The following ZSCAN9 variants were observed in gnomAD, a reference collection of about 807,000 sequenced individuals.
The protein encoded by ZSCAN9 is zinc finger and SCAN domain containing 9, also known as zinc finger and SCAN domain-containing protein 9.
ZSCAN9 carries 19 observed loss-of-function variants against 23.0 expected under a neutral mutation model. The observed-to-expected ratio is 0.83, with a 90% CI of 0.58 to 1.21. ZSCAN9 has a LOEUF of 1.21. Among genes scored for constraint, ZSCAN9 ranks in the 50% most tolerant of loss-of-function variants. ZSCAN9 has a pLI of 0.00. For missense variants in ZSCAN9, 467 were observed against 471.5 expected (o/e 0.99, Z 0.09); for synonymous variants, 155 against 164.8 (o/e 0.94, Z 0.46).
At chr6:28,232,244 T>C (rs1349364106) in intron 3 of ZSCAN9, among the ~76,000 whole-genome samples, 2 of 152,088 alleles carry the variant, frequency 1.3e-5, no homozygotes, top group African/African-American at 4.8e-5. Context: ...GGCAGGAGAA[T>C]CGCTTGAACC....
chr6:28,228,159 T>G, intron 3 of ZSCAN9: 1 of 649,676 alleles, frequency 1.5e-6, no homozygotes. Flanking sequence ...CATCGCCTCA[T>G]GGAAGCTGCT....
chr6:28,232,502 T>G, intron 3 of ZSCAN9, 60 bp from the exon 4 acceptor site: 2 of 1,544,730 alleles, frequency 1.3e-6, no homozygotes, highest in South Asian at 2.6e-5. Context: ...ATAGACATAG[T>G]CACCTTCCCA....
Position 28,233,158 on chromosome 6 carries a change from A to C in ZSCAN9, c.1165A>C (p.Thr389Pro). The C allele has an allele frequency of 3.1e-6, 5 of 1,614,084 alleles. No homozygotes were observed. Among genetic ancestry groups the C allele is most frequent in the Non-Finnish European group, 3.4e-6 (4 of 1,179,958 alleles). Residue 389 changes from threonine to proline, a missense_variant, in exon 4 of 4, where the codon ACA (threonine) becomes CCA (proline). Coordinates refer to ENST00000252207, the MANE Select transcript of ZSCAN9 (RefSeq NM_006299.5). ...CNLIRHQKIH[T>P]VAELV is the part of the protein sequence containing the mutation. ...CCTCATTCGCCATCAGAAGATCCAC[A>C]CAGTGGCTGAGCTGGTCTAGGGCTT...
rs1760353707 is a variant in ZSCAN9 at position 28,232,774 on chromosome 6, A to G, written c.781A>G (p.Lys261Glu). The stretch of plus-strand genomic sequence containing the variant: ...GCAACACAAATGTGATGAATGTGGG[A>G]AGAGCTTTACTCAGAGCTCAGGTCT... ...EGQHKCDECG[K>E]SFTQSSGLIR... The change falls in exon 4 of 4, where the codon AAG becomes GAG. Residue 261 changes from lysine (K) to glutamate (E), a missense_variant. Transcript: ENST00000252207. The G allele has an allele frequency of 2.5e-6, 4 of 1,614,248 alleles. No homozygotes were observed. The highest frequency in any genetic ancestry group is 1.1e-5 in the South Asian group (1 of 91,088).
intron 3 of ZSCAN9, among the ~76,000 whole-genome samples, chr6:28,231,055 A>G (rs1166937426): frequency 6.6e-6 from 1 of 152,220 alleles, no homozygotes; most frequent in Non-Finnish European, 1.5e-5. Flanking sequence ...GACCCCCAGT[A>G]GATGCCTGAA....
chr6:28,232,168 C>T (rs1581566728), intron 3 of ZSCAN9, among the ~76,000 whole-genome samples: 1 of 152,242 alleles, frequency 6.6e-6, no homozygotes, highest in African/African-American at 2.4e-5. Flanking sequence ...CGCGTCTGTA[C>T]TAAAAATACA....
chr6:28,226,902 A>G (rs1760128613), intron 1 of ZSCAN9, 110 bp from the exon 2 acceptor site: 1 of 529,012 alleles, frequency 1.9e-6, no homozygotes, highest in South Asian at 3.5e-5. Flanking sequence ...TGGTCACCAA[A>G]TCACTTTTCA....
intron 3 of ZSCAN9, among the ~76,000 whole-genome samples, 176 bp from the exon 4 acceptor site, chr6:28,232,386 C>T (rs1760334466): frequency 1.3e-5 from 2 of 152,172 alleles, no homozygotes; most frequent in Non-Finnish European, 2.9e-5. Context: ...GATGGACTGA[C>T]CTGCATTATG....
In ZSCAN9 at chr6:28,227,058, G is replaced by A; in HGVS notation, c.-27G>A. On this transcript the variant is annotated 5_prime_UTR_variant, in exon 2 of 4. Coordinates refer to ENST00000252207, the MANE Select transcript of ZSCAN9 (RefSeq NM_006299.5). ...CTTGAAGCATAGCTCCAGCTGGAGG[G>A]TACCTTTTAAGCTGTTCAAGGTCAA... 1.3e-6 allele frequency: 2 copies of A among 1,593,390 alleles called. No homozygotes were observed. Among genetic ancestry groups the A allele is most frequent in the Non-Finnish European group, 1.7e-6 (2 of 1,168,892 alleles).
intron 3 of ZSCAN9, chr6:28,230,533 G>C: frequency 1.3e-6 from 2 of 1,515,998 alleles, no homozygotes; most frequent in South Asian, 2.5e-5. Flanking sequence ...AGATATGGGA[G>C]AAAGAGGCAA....
chr6:28,233,442 T>G lies in ZSCAN9; in HGVS notation c.*264T>G. 2.6e-6 allele frequency: 1 copy of G among 379,546 alleles called. No homozygotes were observed. Among genetic ancestry groups the G allele is most frequent in the East Asian group, 5.0e-5 (1 of 20,096 alleles). The allele number at this position is 379,546 out of a possible 1,614,324, so 23.5% of individuals were successfully genotyped here. On this transcript the variant is annotated 3_prime_UTR_variant, in exon 4 of 4. Coordinates refer to ENST00000252207, the MANE Select transcript of ZSCAN9 (RefSeq NM_006299.5). The stretch of plus-strand genomic sequence containing the variant: ...TTTTTTGAGATGGCTGCTAAACCCT[T>G]CTAATAATATAATAAATGGCACTGC...
rs1760168852 is a variant in ZSCAN9, at chr6:28,227,847, A to G, written c.568+10A>G. The G allele has an allele frequency of 6.2e-7, 1 of 1,613,358 alleles. No homozygotes were observed. Among genetic ancestry groups the G allele is most frequent in the Non-Finnish European group, 8.5e-7 (1 of 1,179,820 alleles). The stretch of plus-strand genomic sequence containing the variant: ...TCTATTGGAGAGACAGGTGAGGGAC[A>G]GCATTTATTTGATGTTGAACGAATC... On this transcript the variant is annotated intron_variant, in intron 3 of 3. Coordinates refer to ENST00000252207, the MANE Select transcript of ZSCAN9 (RefSeq NM_006299.5).
At chr6:28,231,799 G>A (rs1760309445) in intron 3 of ZSCAN9, among the ~76,000 whole-genome samples, 1 of 152,094 alleles carries the variant, frequency 6.6e-6, no homozygotes, top group African/African-American at 2.4e-5. Flanking sequence ...GTGATTGACT[G>A]TGGGTAGCTG....
Position 28,227,001 on chromosome 6 carries a change from T to A in ZSCAN9, c.-73-11T>A. Reference sequence around the variant, plus strand: ...ATTTTTCTATATAAATAATTTATTTTTACTGCTTAGGCAAGCGCCTCCAAG... The same window carrying A: ...ATTTTTCTATATAAATAATTTATTTATACTGCTTAGGCAAGCGCCTCCAAG... On this transcript the variant is annotated splice_polypyrimidine_tract_variant and intron_variant, in intron 1 of 3. Coordinates refer to ENST00000252207, the MANE Select transcript of ZSCAN9 (RefSeq NM_006299.5). The A allele has an allele frequency of 8.1e-7, 1 of 1,227,496 alleles. No homozygotes were observed. The highest frequency in any genetic ancestry group is 1.1e-6 in the Non-Finnish European group (1 of 881,040). 76.0% of individuals were successfully genotyped at this position (1,227,496 alleles called of 1,614,324 possible). A position where few individuals can be genotyped will look rare whatever the true frequency, so the allele number is the denominator to read the frequency against.
At chr6:28,229,967 T>C (rs1026952557) in intron 3 of ZSCAN9, among the ~76,000 whole-genome samples, 3 of 151,862 alleles carry the variant, frequency 2.0e-5, no homozygotes, top group African/African-American at 7.3e-5. Context: ...ATGCCATTCT[T>C]CTGTCTGAGC....
intron 3 of ZSCAN9, among the ~76,000 whole-genome samples, chr6:28,232,235 G>T (rs562712719): frequency 6.6e-6 from 1 of 152,210 alleles, no homozygotes; most frequent in South Asian, 2.1e-4. Context: ...GGAGACTGAG[G>T]CAGGAGAATC....
At chr6:28,229,674 A>T (rs902869779) in intron 3 of ZSCAN9, among the ~76,000 whole-genome samples, 4 of 152,176 alleles carry the variant, frequency 2.6e-5, no homozygotes, top group African/African-American at 9.7e-5. Flanking sequence ...GGTAAGCTTG[A>T]GTTTCTTTTT....
chr6:28,228,258 C>G, intron 3 of ZSCAN9: 1 of 566,458 alleles, frequency 1.8e-6, no homozygotes, highest in Middle Eastern at 2.6e-4. Flanking sequence ...TCTACTTGCG[C>G]TGCCTTAAGA....
At chr6:28,230,601 CA>C (rs1252407014) in intron 3 of ZSCAN9, 1 of 974,948 alleles carries the variant, frequency 1.0e-6, no homozygotes, top group Non-Finnish European at 1.5e-6. Context: ...TTCTGGGTTG[CA>C]AAGTGAAATC....
Sources: allele counts gnomAD v4.1 joint callset (sites outside exome capture counted in the v4.1 genomes callset), GRCh38; gene constraint gnomAD v4.1.1; transcripts MANE v1.5; gene names NCBI Gene and HGNC (gene_info 2026-07-23, HGNC 2026-07-21).